The following CNTNAP2 variants were observed in gnomAD, a reference collection of about 807,000 sequenced individuals.
CNTNAP2 encodes contactin associated protein 2.
Under a neutral mutation model 155.2 loss-of-function variants are expected in CNTNAP2, and 98 were observed. The ratio of observed to expected loss-of-function variants is 0.63; its 90% CI spans 0.54 to 0.75. CNTNAP2 has a LOEUF of 0.75. CNTNAP2 is among the 30% of genes least tolerant of loss of function. The pLI, the probability that CNTNAP2 is intolerant of heterozygous loss-of-function variation, is 0.00. For missense variants in CNTNAP2, 1,727 were observed against 1,688.1 expected (o/e 1.02, Z -0.40); for synonymous variants, 651 against 631.2 (o/e 1.03, Z -0.47).
intron 15 of CNTNAP2, among the ~76,000 whole-genome samples, chr7:148,049,530 C>T (rs2116492113): frequency 1.3e-5 from 2 of 152,258 alleles, no homozygotes; most frequent in South Asian, 4.1e-4. Flanking sequence ...ACGAGATAGG[C>T]TGTATAGTTC....
At chr7:148,223,659 A>G (rs1457842540) in intron 19 of CNTNAP2, among the ~76,000 whole-genome samples, 2 of 152,246 alleles carry the variant, frequency 1.3e-5, no homozygotes, top group African/African-American at 4.8e-5. Context: ...AAATTGGATT[A>G]TTCAAGAATA....
intron 12 of CNTNAP2, among the ~76,000 whole-genome samples, chr7:147,587,618 T>G (rs893903528): frequency 2.0e-5 from 3 of 152,194 alleles, no homozygotes; most frequent in African/African-American, 7.2e-5. Flanking sequence ...TGAAGGATCA[T>G]TTATCCAAAA....
chr7:147,247,481 T>C (rs1416406058), intron 8 of CNTNAP2, among the ~76,000 whole-genome samples: 3 of 152,248 alleles, frequency 2.0e-5, no homozygotes, highest in Non-Finnish European at 4.4e-5. Context: ...TCTTTTCTCA[T>C]TTGAAAACAT....
At chr7:148,247,649 TTA>T (rs1429398787) in intron 20 of CNTNAP2, among the ~76,000 whole-genome samples, 4 of 145,790 alleles carry the variant, frequency 2.7e-5, no homozygotes, top group African/African-American at 1.0e-4. Flanking sequence ...ATTTATTTAT[TTA>T]TTTATTTATT....
intron 1 of CNTNAP2, among the ~76,000 whole-genome samples, chr7:146,253,823 A>G (rs1303370436): frequency 6.6e-6 from 1 of 152,142 alleles, no homozygotes; most frequent in African/African-American, 2.4e-5. Context: ...TTGGGAGGCC[A>G]AGGTAGCAGG....
chr7:147,973,995 T>C (rs1227269701), intron 14 of CNTNAP2, among the ~76,000 whole-genome samples: 2 of 152,222 alleles, frequency 1.3e-5, no homozygotes, highest in Admixed American at 6.5e-5. Context: ...AAACGTGGCT[T>C]ATAAATTTCT....
At chr7:147,265,585 C>G (rs370353010) in intron 8 of CNTNAP2, among the ~76,000 whole-genome samples, 115 of 152,316 alleles carry the variant, frequency 7.6e-4, no homozygotes, top group African/African-American at 2.5e-3. Context: ...CTCCTGCTAG[C>G]TCTGAGGAAT....
intron 15 of CNTNAP2, among the ~76,000 whole-genome samples, chr7:148,045,729 G>A (rs1401191729): frequency 6.6e-6 from 1 of 152,108 alleles, no homozygotes; most frequent in Non-Finnish European, 1.5e-5. Flanking sequence ...GACACTACAG[G>A]GACTGCGAAG....
At chr7:147,227,004 T>C (rs1385166536) in intron 8 of CNTNAP2, among the ~76,000 whole-genome samples, 1 of 152,156 alleles carries the variant, frequency 6.6e-6, no homozygotes, top group Non-Finnish European at 1.5e-5. Flanking sequence ...TAGTGTATAT[T>C]AGAAAAGGAT....
intron 1 of CNTNAP2, among the ~76,000 whole-genome samples, chr7:146,240,243 T>C (rs931295704): frequency 2.0e-5 from 3 of 152,190 alleles, no homozygotes; most frequent in African/African-American, 7.2e-5. Flanking sequence ...TCGACCTCTA[T>C]TTTACTTATA....
At chr7:147,840,687 A>G (rs1346306656) in intron 13 of CNTNAP2, among the ~76,000 whole-genome samples, 3 of 152,224 alleles carry the variant, frequency 2.0e-5, no homozygotes, top group Non-Finnish European at 4.4e-5. Flanking sequence ...AATGGAGATC[A>G]GAATGAATTT....
intron 1 of CNTNAP2, among the ~76,000 whole-genome samples, chr7:146,766,650 C>G (rs577433062): frequency 2.0e-5 from 3 of 152,298 alleles, no homozygotes; most frequent in Admixed American, 2.0e-4. Flanking sequence ...CTACCCATCT[C>G]AATGGGTTAC....
chr7:146,734,337 AGGAGTTCACCTAATG>A (rs1461566932), intron 1 of CNTNAP2, among the ~76,000 whole-genome samples: 1 of 152,216 alleles, frequency 6.6e-6, no homozygotes, highest in Non-Finnish European at 1.5e-5. Context: ...AAAGCATGTT[AGGAGTTCACCTAATG>A]GGAGTGACTG....
At chr7:147,950,123 A>G (rs560596487) in intron 14 of CNTNAP2, among the ~76,000 whole-genome samples, 1 of 152,014 alleles carries the variant, frequency 6.6e-6, no homozygotes, top group South Asian at 2.1e-4. Flanking sequence ...TTCACACGCC[A>G]GAGACCAGGA....
intron 22 of CNTNAP2, among the ~76,000 whole-genome samples, chr7:148,395,346 TCAA>T (rs1799446024): frequency 6.6e-6 from 1 of 152,086 alleles, no homozygotes; most frequent in African/African-American, 2.4e-5. Context: ...TGAACCGAAG[TCAA>T]CAAATCTTAA....
At chr7:147,960,263 G>C (rs1208444430) in intron 14 of CNTNAP2, among the ~76,000 whole-genome samples, 1 of 152,098 alleles carries the variant, frequency 6.6e-6, no homozygotes, top group Non-Finnish European at 1.5e-5. Context: ...TGAATTACCT[G>C]GTGCAAAGCC....
chr7:146,209,121 G>T (rs972460830), intron 1 of CNTNAP2, among the ~76,000 whole-genome samples: 1 of 151,980 alleles, frequency 6.6e-6, no homozygotes, highest in African/African-American at 2.4e-5. Context: ...TGATGCTGTC[G>T]CCATTTAAAT....
intron 17 of CNTNAP2, among the ~76,000 whole-genome samples, chr7:148,150,709 T>G (rs1049994527): frequency 7.2e-5 from 11 of 152,176 alleles, no homozygotes; most frequent in Non-Finnish European, 1.5e-4. Context: ...ATTACCATCT[T>G]CCCTCTCTGA....
chr7:146,938,075 C>A (rs1264728434), intron 3 of CNTNAP2, among the ~76,000 whole-genome samples: 5 of 152,038 alleles, frequency 3.3e-5, no homozygotes, highest in African/African-American at 9.7e-5. Flanking sequence ...AGGTACATGA[C>A]AATAAAAGAG....
Sources: gnomAD v4.1 joint callset for allele counts (sites outside exome capture counted in the v4.1 genomes callset) on GRCh38, gnomAD v4.1.1 for gene constraint, MANE v1.5 for transcripts, NCBI Gene and HGNC (gene_info 2026-07-23, HGNC 2026-07-21) for gene names.